SNX13: variants seen among roughly 807,000 people sequenced by gnomAD.
The protein encoded by SNX13 is sorting nexin 13, also known as sorting nexin-13.
A neutral mutation model predicts 133.6 loss-of-function variants in SNX13; 45 were observed. The ratio of observed to expected loss-of-function variants is 0.34; its 90% CI spans 0.27 to 0.43. The LOEUF (loss-of-function observed/expected upper bound fraction) is 0.43, where lower values mean the gene tolerates loss of function less well. SNX13 is among the 20% of genes least tolerant of loss of function. The pLI is 1.00. For missense variants in SNX13, 1,032 were observed against 1,145.1 expected, an observed-to-expected ratio of 0.90 and a Z score of 1.43; for synonymous variants, 414 against 373.9, an observed-to-expected ratio of 1.11 and a Z score of -1.24.
At chr7:17,877,369 CTTTT>C (rs1794847660) in intron 5 of SNX13, among the ~76,000 whole-genome samples, 1 of 151,586 alleles carries the variant, frequency 6.6e-6, no homozygotes, top group Non-Finnish European at 1.5e-5. Flanking sequence ...TCTAGAAACT[CTTTT>C]TTCTTATTTA....
chr7:17,815,015 T>C, intron 19 of SNX13, 71 bp from the exon 20 acceptor site: 1 of 1,322,486 alleles, frequency 7.6e-7, no homozygotes, highest in Non-Finnish European at 9.7e-7. Flanking sequence ...CCATTGTTTA[T>C]AATTTTAGCT....
At chr7:17,816,045 T>G in intron 19 of SNX13, 137 bp downstream of exon 19, 1 of 890,032 alleles carries the variant, frequency 1.1e-6, no homozygotes, top group South Asian at 2.0e-5. Context: ...ACGTCACATT[T>G]GACATGCTGC....
chr7:17,811,978 C>T (rs1450828934), intron 20 of SNX13, among the ~76,000 whole-genome samples: 1 of 152,088 alleles, frequency 6.6e-6, no homozygotes, highest in Non-Finnish European at 1.5e-5. Flanking sequence ...CTTCCTTACA[C>T]CTTATACAAA....
At chr7:17,821,473 C>T in intron 18 of SNX13, 36 bp downstream of exon 18, 1 of 1,531,208 alleles carries the variant, frequency 6.5e-7, no homozygotes, top group South Asian at 1.2e-5. Flanking sequence ...AATCAAGAAA[C>T]AACATAAAGT....
At chr7:17,890,204 A>T in intron 5 of SNX13, 159 bp downstream of exon 5, 5 of 545,400 alleles carry the variant, frequency 9.2e-6, no homozygotes, top group South Asian at 1.1e-4. Context: ...TAAAGGTTTT[A>T]AGAGCTCTAG....
intron 1 of SNX13, among the ~76,000 whole-genome samples, chr7:17,923,353 A>C (rs1332582820): frequency 3.3e-5 from 5 of 152,216 alleles, no homozygotes; most frequent in Non-Finnish European, 4.4e-5. Context: ...TCAAGGTTTA[A>C]CTATTTAAAT....
At chr7:17,834,943 A>T in intron 13 of SNX13, 78 bp from the exon 14 acceptor site, 3 of 819,780 alleles carry the variant, frequency 3.7e-6, no homozygotes, top group Non-Finnish European at 5.7e-6. Context: ...ATAATAATGG[A>T]ATCATATTAT....
At chr7:17,814,598 T>C (rs1235565712) in intron 20 of SNX13, among the ~76,000 whole-genome samples, 1 of 152,172 alleles carries the variant, frequency 6.6e-6, no homozygotes, top group Non-Finnish European at 1.5e-5. Context: ...TTTCTTAATG[T>C]ACCATTTCAA....
chr7:17,854,427 T>C (rs1791634917), intron 9 of SNX13, among the ~76,000 whole-genome samples: 1 of 152,186 alleles, frequency 6.6e-6, no homozygotes, highest in Admixed American at 6.5e-5. Context: ...ATACCTTGTT[T>C]CAATTCCACT....
At chr7:17,815,766 C>T (rs1786586181) in intron 19 of SNX13, among the ~76,000 whole-genome samples, 1 of 152,046 alleles carries the variant, frequency 6.6e-6, no homozygotes, top group Non-Finnish European at 1.5e-5. Context: ...AGTTCATTAG[C>T]TAAGAAGTAT....
At chr7:17,811,744 C>G (rs527631214) in intron 20 of SNX13, among the ~76,000 whole-genome samples, 7 of 152,316 alleles carry the variant, frequency 4.6e-5, no homozygotes, top group African/African-American at 1.4e-4. Context: ...TGACTTCAAA[C>G]TATACTACAA....
chr7:17,911,480 A>T (rs1798972466), intron 1 of SNX13, among the ~76,000 whole-genome samples: 2 of 152,040 alleles, frequency 1.3e-5, no homozygotes, highest in Admixed American at 6.6e-5. Flanking sequence ...CTCTACCAAA[A>T]ATACAAAAAT....
intron 20 of SNX13, among the ~76,000 whole-genome samples, chr7:17,807,112 C>A (rs188464136): frequency 1.6e-3 from 240 of 152,226 alleles, no homozygotes; most frequent in African/African-American, 5.3e-3. Context: ...CAGAACCGTT[C>A]ACTCCCCTGG....
At chr7:17,853,167 C>G (rs1028821135) in intron 9 of SNX13, among the ~76,000 whole-genome samples, 17 of 152,074 alleles carry the variant, frequency 1.1e-4, no homozygotes, top group East Asian at 1.9e-4. Flanking sequence ...GTGTAGGTTT[C>G]TTTTTTTTCA....
At chr7:17,922,809 C>G (rs1583797777) in intron 1 of SNX13, among the ~76,000 whole-genome samples, 1 of 152,286 alleles carries the variant, frequency 6.6e-6, no homozygotes, top group Middle Eastern at 3.4e-3. Context: ...TAATTCACAA[C>G]ACTACCTTTA....
chr7:17,801,770 A>T, intron 21 of SNX13, 111 bp from the exon 22 acceptor site: 1 of 725,236 alleles, frequency 1.4e-6, no homozygotes, highest in Non-Finnish European at 2.2e-6. Flanking sequence ...CTTTTGGTAC[A>T]ATATATAAGC....
At chr7:17,798,232 G>C (rs1304259466) in intron 24 of SNX13, among the ~76,000 whole-genome samples, 2 of 151,682 alleles carry the variant, frequency 1.3e-5, no homozygotes, top group African/African-American at 2.4e-5. Context: ...TATGAAGTAG[G>C]GTACCTACTT....
At chr7:17,831,047 C>T (rs1788431674) in intron 15 of SNX13, 3 of 983,964 alleles carry the variant, frequency 3.0e-6, no homozygotes, top group South Asian at 9.4e-5. Context: ...GTTATCTATC[C>T]TCCTTATTCA....
chr7:17,854,838 G>A (rs1035479738), intron 9 of SNX13, among the ~76,000 whole-genome samples: 1 of 152,048 alleles, frequency 6.6e-6, no homozygotes, highest in Non-Finnish European at 1.5e-5. Context: ...ACTCTTAAGC[G>A]TTCAAGCAAA....
Sources: gnomAD v4.1 joint callset for allele counts (sites outside exome capture counted in the v4.1 genomes callset) on GRCh38, gnomAD v4.1.1 for gene constraint, MANE v1.5 for transcripts, NCBI Gene and HGNC (gene_info 2026-07-23, HGNC 2026-07-21) for gene names.